Variants in MAP4K3 observed in about 807,000 individuals in gnomAD.
MAP4K3 encodes the protein MAPK/ERK kinase kinase kinase 3.
In MAP4K3, 94 loss-of-function variants were observed where a neutral mutation model predicts 143.5. The ratio of observed to expected loss-of-function variants is 0.65; its 90% CI spans 0.55 to 0.78. The LOEUF is 0.78. Ranked by LOEUF, MAP4K3 falls within the 30% of genes least tolerant of loss-of-function variation. MAP4K3 has a pLI of 0.00. For synonymous variants in MAP4K3, 416 were observed against 347.2 expected (o/e 1.20, Z -2.20); for missense variants, 1,077 against 1,068.1 (o/e 1.01, Z -0.12).
At chr2:39,290,988 G>A (rs1173612481) in intron 18 of MAP4K3, among the ~76,000 whole-genome samples, 1 of 152,016 alleles carries the variant, frequency 6.6e-6, no homozygotes, top group Non-Finnish European at 1.5e-5. Context: ...ATGAACCTGG[G>A]AGGTAGAGCC....
At chr2:39,377,475 G>T (rs140952168) in intron 2 of MAP4K3, among the ~76,000 whole-genome samples, 292 of 152,150 alleles carry the variant, frequency 1.9e-3, no homozygotes, top group African/African-American at 6.8e-3. Flanking sequence ...AAAAATGTGG[G>T]TTTTGAGGGA....
chr2:39,371,059 C>T (rs893117491), intron 2 of MAP4K3, among the ~76,000 whole-genome samples: 2 of 152,036 alleles, frequency 1.3e-5, no homozygotes, highest in Non-Finnish European at 2.9e-5. Flanking sequence ...TGGCAGTGTT[C>T]TAGCCGGATC....
At chr2:39,398,001 G>T (rs1314698511) in intron 1 of MAP4K3, among the ~76,000 whole-genome samples, 1 of 152,070 alleles carries the variant, frequency 6.6e-6, no homozygotes, top group African/African-American at 2.4e-5. Context: ...TGTAGGGAAA[G>T]GGGGGGCATT....
intron 1 of MAP4K3, among the ~76,000 whole-genome samples, chr2:39,422,034 C>T (rs548465015): frequency 1.3e-5 from 2 of 151,440 alleles, no homozygotes; most frequent in South Asian, 4.2e-4. Context: ...ATTCCCGTAT[C>T]TAGTCTGCCA....
chr2:39,435,830 C>G (rs1321298943), intron 1 of MAP4K3, among the ~76,000 whole-genome samples: 2 of 152,148 alleles, frequency 1.3e-5, no homozygotes, highest in African/African-American at 4.8e-5. Context: ...AGTAGATCAT[C>G]CAGAAAATCA....
chr2:39,254,382 G>T, intron 32 of MAP4K3, 68 bp downstream of exon 32: 2 of 1,214,426 alleles, frequency 1.6e-6, no homozygotes, highest in Non-Finnish European at 1.2e-6. Context: ...GTATCATTTA[G>T]GAATCGAACT....
chr2:39,404,914 C>T (rs935787383), intron 1 of MAP4K3, among the ~76,000 whole-genome samples: 46 of 152,188 alleles, frequency 3.0e-4, no homozygotes, highest in Non-Finnish European at 6.0e-4. Context: ...AGCCACCACA[C>T]CCAGCCGATT....
chr2:39,307,358 C>T (rs1036153275), intron 15 of MAP4K3, among the ~76,000 whole-genome samples: 6 of 151,948 alleles, frequency 3.9e-5, no homozygotes, highest in Non-Finnish European at 8.8e-5. Context: ...TTCAGGAATG[C>T]TTTATAATCT....
At chr2:39,285,793 T>C (rs1681748906) in intron 21 of MAP4K3, among the ~76,000 whole-genome samples, 1 of 152,196 alleles carries the variant, frequency 6.6e-6, no homozygotes, top group African/African-American at 2.4e-5. Flanking sequence ...CCTATTCATC[T>C]TGTTGACATC....
At position 39,284,802 on chromosome 2, in the gene MAP4K3, C is replaced by T. The variant is rs187516277; in HGVS notation, c.1587+2050G>A. On this transcript the variant is annotated intron_variant, in intron 21 of 33. Coordinates refer to ENST00000263881, the MANE Select transcript of MAP4K3 (RefSeq NM_003618.4). Reference sequence around the variant, plus strand: ...GAGGTTGCAGTGAGCCAAAATTGCGCCACTGCACTCTGGCCTGGGCGACAG... The same window carrying T: ...GAGGTTGCAGTGAGCCAAAATTGCGTCACTGCACTCTGGCCTGGGCGACAG... 7.8e-3 allele frequency among the ~76,000 whole-genome samples: 1,187 copies of T among 151,614 alleles called. 10 individuals are homozygous for T. Among genetic ancestry groups the T allele is most frequent in the Non-Finnish European group, 0.013 (853 of 67,888 alleles).
intron 15 of MAP4K3, among the ~76,000 whole-genome samples, chr2:39,306,053 C>T (rs570134484): frequency 2.8e-4 from 43 of 152,298 alleles, no homozygotes; most frequent in Admixed American, 8.5e-4. Context: ...TGGTCTCGAT[C>T]TCCTGACCTC....
chr2:39,299,188 C>A (rs1682409124), intron 16 of MAP4K3, among the ~76,000 whole-genome samples: 1 of 152,032 alleles, frequency 6.6e-6, no homozygotes, highest in Admixed American at 6.6e-5. Context: ...TGTAAGCTGC[C>A]TTTTAAACCT....
intron 26 of MAP4K3, among the ~76,000 whole-genome samples, chr2:39,271,693 C>A (rs1215083546): frequency 6.6e-6 from 1 of 152,180 alleles, no homozygotes. Context: ...CAGGGCTCCA[C>A]TGATCCTCCC....
chr2:39,387,495 G>T (rs1329047278), intron 1 of MAP4K3, among the ~76,000 whole-genome samples: 1 of 152,172 alleles, frequency 6.6e-6, no homozygotes, highest in African/African-American at 2.4e-5. Context: ...AGTGATAACT[G>T]CATTAGACAG....
At position 39,325,890 on chromosome 2, in the gene MAP4K3, A is replaced by C; in HGVS notation, c.725+9T>G. The C allele has an allele frequency of 6.4e-7, 1 of 1,571,850 alleles. No homozygotes were observed. The highest frequency in any genetic ancestry group is 8.7e-7 in the Non-Finnish European group (1 of 1,149,112). On this transcript the variant is annotated intron_variant, in intron 10 of 33. Transcript: ENST00000263881. The stretch of plus-strand genomic sequence containing the variant: ...TCACCATAAAAGTAAATAACATAAA[A>C]ATACTTACCATTTCATTTTATCCTT...
intron 8 of MAP4K3, 94 bp from the exon 9 acceptor site, chr2:39,326,371 T>C: frequency 7.2e-7 from 1 of 1,389,306 alleles, no homozygotes; most frequent in Non-Finnish European, 9.9e-7. Context: ...CTATCTAAAT[T>C]AAGGCCTCTT....
At chr2:39,423,619 T>C (rs1450993756) in intron 1 of MAP4K3, among the ~76,000 whole-genome samples, 1 of 152,190 alleles carries the variant, frequency 6.6e-6, no homozygotes, top group Non-Finnish European at 1.5e-5. Flanking sequence ...CAAAAAGTTA[T>C]GGAAGAAACT....
intron 1 of MAP4K3, among the ~76,000 whole-genome samples, chr2:39,387,661 G>C (rs1313691752): frequency 6.6e-6 from 1 of 152,152 alleles, no homozygotes; most frequent in African/African-American, 2.4e-5. Context: ...GCAATGAAGA[G>C]ACAATCAATA....
At chr2:39,356,412 A>C in intron 2 of MAP4K3, 73 bp from the exon 3 acceptor site, 1 of 803,978 alleles carries the variant, frequency 1.2e-6, no homozygotes, top group Admixed American at 2.2e-5. Context: ...AAAACACAAT[A>C]AAATAATTAT....
Sources: gnomAD v4.1 joint callset for allele counts (sites outside exome capture counted in the v4.1 genomes callset) on GRCh38, gnomAD v4.1.1 for gene constraint, MANE v1.5 for transcripts, NCBI Gene and HGNC (gene_info 2026-07-23, HGNC 2026-07-21) for gene names.